ATP2C1: variants seen among roughly 807,000 people sequenced by gnomAD.
The protein encoded by ATP2C1 is calcium-transporting ATPase type 2C member 1.
A neutral mutation model predicts 120.5 loss-of-function variants in ATP2C1; 31 were observed. The observed-to-expected ratio is 0.26, with a 90% CI of 0.19 to 0.35. The LOEUF is 0.35. ATP2C1 is among the 10% of genes least tolerant of loss of function. The pLI is 1.00. For synonymous variants in ATP2C1, 351 were observed against 358.7 expected, an observed-to-expected ratio of 0.98 and a Z score of 0.24; for missense variants, 731 against 1,107.5, an observed-to-expected ratio of 0.66 and a Z score of 4.83.
At chr3:130,886,662 AT>A (rs2068979633) in intron 1 of ATP2C1, among the ~76,000 whole-genome samples, 1 of 151,976 alleles carries the variant, frequency 6.6e-6, no homozygotes, top group African/African-American at 2.4e-5. Context: ...TTCCAGTTGC[AT>A]TTTTCAACTC....
intron 19 of ATP2C1, among the ~76,000 whole-genome samples, chr3:130,980,128 G>A (rs548828886): frequency 1.1e-4 from 16 of 152,058 alleles, no homozygotes; most frequent in Non-Finnish European, 1.6e-4. Flanking sequence ...CCACCATTTT[G>A]TCTGGCTTCG....
exon 27 of ATP2C1, chr3:131,016,598 A>G (rs1214336726): frequency 3.3e-5 from 16 of 488,156 alleles, no homozygotes; most frequent in Non-Finnish European, 5.1e-5. Context: ...CCACTGGTCT[A>G]CTACCTGACC....
At chr3:130,944,264 G>A (rs2060040746) in intron 8 of ATP2C1, among the ~76,000 whole-genome samples, 1 of 152,230 alleles carries the variant, frequency 6.6e-6, no homozygotes, top group Non-Finnish European at 1.5e-5. Context: ...GCAGCTTCTT[G>A]TTAGCACATT....
At chr3:130,861,907 G>T (rs1420172212) in intron 1 of ATP2C1, among the ~76,000 whole-genome samples, 1 of 152,152 alleles carries the variant, frequency 6.6e-6, no homozygotes, top group African/African-American at 2.4e-5. Flanking sequence ...TTCCTACAAT[G>T]TGGGGGCCAC....
chr3:130,874,937 G>C (rs557310984), intron 1 of ATP2C1, among the ~76,000 whole-genome samples: 2 of 152,248 alleles, frequency 1.3e-5, no homozygotes, highest in Admixed American at 6.5e-5. Flanking sequence ...GCCACACTGA[G>C]AAATATTAAC....
At chr3:130,973,349 T>G (rs1182306728) in intron 17 of ATP2C1, among the ~76,000 whole-genome samples, 1 of 152,158 alleles carries the variant, frequency 6.6e-6, no homozygotes, top group Non-Finnish European at 1.5e-5. Flanking sequence ...TTCGAAGAGC[T>G]TCTAGAGAGC....
At chr3:130,906,637 TTTAA>T (rs2058134404) in intron 2 of ATP2C1, among the ~76,000 whole-genome samples, 1 of 152,030 alleles carries the variant, frequency 6.6e-6, no homozygotes, top group Non-Finnish European at 1.5e-5. Context: ...GAGGCTTTCT[TTTAA>T]TTAATTTCTC....
intron 1 of ATP2C1, among the ~76,000 whole-genome samples, chr3:130,855,215 G>A (rs1239680579): frequency 6.6e-6 from 1 of 152,066 alleles, no homozygotes; most frequent in Non-Finnish European, 1.5e-5. Flanking sequence ...TACAATCTGT[G>A]TCTCCTGTAG....
chr3:130,922,963 T>G (rs767137218), intron 2 of ATP2C1, among the ~76,000 whole-genome samples: 3 of 152,236 alleles, frequency 2.0e-5, no homozygotes, highest in Non-Finnish European at 4.4e-5. Context: ...TGTAAATATC[T>G]GTTAAGTCTA....
chr3:130,974,774 T>G (rs1347769332), intron 17 of ATP2C1, among the ~76,000 whole-genome samples: 1 of 152,126 alleles, frequency 6.6e-6, no homozygotes, highest in Non-Finnish European at 1.5e-5. Flanking sequence ...AGGGTAAATA[T>G]CAGAGAAAAC....
At chr3:130,952,136 A>C (rs952379138) in intron 8 of ATP2C1, among the ~76,000 whole-genome samples, 5 of 152,094 alleles carry the variant, frequency 3.3e-5, no homozygotes, top group Non-Finnish European at 7.4e-5. Context: ...TTTCTTCTAA[A>C]ATGTGGCTCT....
At chr3:130,889,140 C>T (rs2069079973), upstream of ATP2C1, among the ~76,000 whole-genome samples, 1 of 152,170 alleles carries the variant, frequency 6.6e-6, no homozygotes, top group Non-Finnish European at 1.5e-5. Context: ...TACACATGTA[C>T]ACACACTCAC....
intron 17 of ATP2C1, among the ~76,000 whole-genome samples, chr3:130,970,478 A>T (rs768693147): frequency 2.0e-5 from 3 of 151,212 alleles, no homozygotes; most frequent in Non-Finnish European, 4.4e-5. Context: ...TGCAACCTCA[A>T]CCTCCCCTGG....
In ATP2C1 at chr3:130,923,238, T is replaced by G. The variant is rs573837310; in HGVS notation, c.7-7178T>G. On this transcript the variant is annotated intron_variant, in intron 2 of 27. Transcript: ENST00000510168. ...ATCCCTCTTTGTCTTTCTTTTTTTT[T>G]TTGTTGGAGACAGAGTCTTGCTCTG... is the stretch of plus-strand genomic sequence containing the variant. 5.3e-5 allele frequency among the ~76,000 whole-genome samples: 8 copies of G among 152,198 alleles called. No homozygotes were observed. In the East Asian group the frequency reaches 7.7e-4, roughly 15 times the overall value.
chr3:130,959,825 T>C (rs1211816778), intron 12 of ATP2C1, among the ~76,000 whole-genome samples: 1 of 152,036 alleles, frequency 6.6e-6, no homozygotes, highest in Non-Finnish European at 1.5e-5. Flanking sequence ...AAGATTATGA[T>C]TGTTGAAATT....
chr3:130,896,012 G>A (rs934522830), intron 2 of ATP2C1, among the ~76,000 whole-genome samples: 3 of 152,166 alleles, frequency 2.0e-5, no homozygotes, highest in African/African-American at 7.2e-5. Flanking sequence ...ACTTTTCTGA[G>A]CCTTTTTCCT....
intron 16 of ATP2C1, among the ~76,000 whole-genome samples, 173 bp downstream of exon 16, chr3:130,967,592 A>G (rs1010485233): frequency 3.9e-5 from 6 of 152,168 alleles, no homozygotes; most frequent in African/African-American, 1.2e-4. Context: ...AATGTAAAGT[A>G]TAGACTTTTT....
chr3:130,973,682 A>T (rs1428854110), intron 17 of ATP2C1, among the ~76,000 whole-genome samples: 1 of 152,156 alleles, frequency 6.6e-6, no homozygotes, highest in Non-Finnish European at 1.5e-5. Context: ...TTTTCTATTT[A>T]ATATTTTTGG....
chr3:130,929,428 A>G (rs551430586), intron 2 of ATP2C1, among the ~76,000 whole-genome samples: 1 of 152,330 alleles, frequency 6.6e-6, no homozygotes, highest in East Asian at 1.9e-4. Context: ...GCTTAAAGAT[A>G]CTGCTTTAAA....
Sources: gnomAD v4.1 joint callset for allele counts (sites outside exome capture counted in the v4.1 genomes callset) on GRCh38, gnomAD v4.1.1 for gene constraint, MANE v1.5 for transcripts, NCBI Gene and HGNC (gene_info 2026-07-23, HGNC 2026-07-21) for gene names.